The following ANKS1A variants were observed in gnomAD, a reference collection of about 807,000 sequenced individuals.
ANKS1A encodes the protein ankyrin repeat and sterile alpha motif domain containing 1A, also known as ankyrin repeat and SAM domain-containing protein 1A.
ANKS1A carries 55 observed loss-of-function variants against 120.3 expected under a neutral mutation model. The ratio of observed to expected loss-of-function variants is 0.46; its 90% confidence interval spans 0.37 to 0.57. The LOEUF (loss-of-function observed/expected upper bound fraction) is 0.57, where lower values mean the gene tolerates loss of function less well. ANKS1A is among the 20% of genes least tolerant of loss of function. The pLI is 0.00. For missense variants in ANKS1A, 1,123 were observed against 1,480.3 expected (o/e 0.76, Z 3.96); for synonymous variants, 590 against 604.7 (o/e 0.98, Z 0.36).
At chr6:34,906,273 T>C (rs1767643329) in intron 1 of ANKS1A, among the ~76,000 whole-genome samples, 1 of 152,168 alleles carries the variant, frequency 6.6e-6, no homozygotes. Context: ...TACTGTCCTC[T>C]TACTGTGTGC....
intron 1 of ANKS1A, among the ~76,000 whole-genome samples, chr6:34,945,469 A>G (rs1769744382): frequency 6.6e-6 from 1 of 152,190 alleles, no homozygotes; most frequent in African/African-American, 2.4e-5. Context: ...TTCCAGTACC[A>G]GTTGTTGCAA....
chr6:34,954,749 G>A (rs759538617), intron 1 of ANKS1A, among the ~76,000 whole-genome samples: 5 of 152,174 alleles, frequency 3.3e-5, no homozygotes, highest in African/African-American at 4.8e-5. Flanking sequence ...AGCATCCTTT[G>A]TGCATCAGTC....
intron 10 of ANKS1A, among the ~76,000 whole-genome samples, chr6:34,999,626 G>A (rs1773048009): frequency 6.6e-6 from 1 of 152,158 alleles, no homozygotes; most frequent in African/African-American, 2.4e-5. Flanking sequence ...AGACTGGCCA[G>A]CATTAGAGGT....
intron 13 of ANKS1A, among the ~76,000 whole-genome samples, chr6:35,073,346 C>T (rs1387620690): frequency 2.0e-5 from 3 of 152,216 alleles, no homozygotes; most frequent in African/African-American, 7.2e-5. Context: ...GCTGAGGAGC[C>T]AGGCCGCCAG....
At chr6:35,005,742 C>T (rs1486975517) in intron 10 of ANKS1A, 2 of 450,850 alleles carry the variant, frequency 4.4e-6, no homozygotes, top group Admixed American at 4.8e-5. Context: ...AAAACCGCTA[C>T]ATATGAAGAT....
rs190555716 is a variant in ANKS1A, at chr6:34,906,050, C to T, written c.197+16451C>T. ...AAGGGCCTGAGTGAGCAGTGCCCCTCGGGGATCTTCTGCCTAATCCCACCT... is the reference window on the plus strand; with the variant it reads ...AAGGGCCTGAGTGAGCAGTGCCCCTTGGGGATCTTCTGCCTAATCCCACCT... On this transcript the variant is annotated intron_variant, in intron 1 of 23. Coordinates refer to ENST00000360359, the MANE Select transcript of ANKS1A (RefSeq NM_015245.3). Among the ~76,000 whole-genome samples the T allele has an allele frequency of 7.9e-5, 12 of 152,256 alleles. No individual in the cohort carries two copies. The East Asian group carries it at 1.5e-3, about 20-fold the overall frequency.
Position 34,985,287 on chromosome 6 carries a change from C to T in ANKS1A, c.1209+9C>T, listed in dbSNP as rs1338553306. 4 of 1,611,664 alleles carry T rather than the reference C, an allele frequency of 2.5e-6. No individual in the cohort carries two copies. The Admixed American group carries it at 5.0e-5, about 20-fold the overall frequency. ...CTGCTGGAGTGAGGCCTGTATGTGA[C>T]CCGGGGCTTACACCTCCTGGGGGCT... On this transcript the variant is annotated intron_variant, in intron 8 of 23. Coordinates refer to ENST00000360359, the MANE Select transcript of ANKS1A (RefSeq NM_015245.3).
intron 13 of ANKS1A, among the ~76,000 whole-genome samples, chr6:35,075,783 ATTG>A (rs772765916): frequency 2.6e-5 from 4 of 152,060 alleles, no homozygotes; most frequent in East Asian, 1.9e-4. Context: ...ACACACATAT[ATTG>A]TTGTTTTTGT....
intron 13 of ANKS1A, among the ~76,000 whole-genome samples, chr6:35,073,127 G>C (rs1299440608): frequency 6.6e-6 from 1 of 152,248 alleles, no homozygotes; most frequent in Non-Finnish European, 1.5e-5. Flanking sequence ...CTAGCACAGT[G>C]CTGGACTGTG....
At chr6:34,924,641 A>C (rs1768615388) in intron 1 of ANKS1A, among the ~76,000 whole-genome samples, 1 of 152,212 alleles carries the variant, frequency 6.6e-6, no homozygotes, top group Non-Finnish European at 1.5e-5. Flanking sequence ...TTGTCCTTTG[A>C]GGAAGAGACA....
intron 11 of ANKS1A, among the ~76,000 whole-genome samples, chr6:35,037,143 A>G (rs1775215812): frequency 6.6e-6 from 1 of 152,258 alleles, no homozygotes; most frequent in Non-Finnish European, 1.5e-5. Context: ...TTCTCGTGCC[A>G]TTGGTAATTA....
chr6:35,054,065 C>A, intron 11 of ANKS1A, 34 bp from the exon 12 acceptor site: 2 of 1,595,666 alleles, frequency 1.3e-6, no homozygotes, highest in Non-Finnish European at 1.7e-6. Context: ...CCAAGCCTGA[C>A]TGCCTCTCCT....
chr6:34,962,063 A>G (rs776229891), intron 1 of ANKS1A, among the ~76,000 whole-genome samples: 6 of 152,236 alleles, frequency 3.9e-5, no homozygotes, highest in Non-Finnish European at 7.3e-5. Context: ...AAGTGTGACA[A>G]TGGTACCTCA....
At chr6:34,986,405 A>G (rs954725794) in intron 8 of ANKS1A, among the ~76,000 whole-genome samples, 3 of 152,172 alleles carry the variant, frequency 2.0e-5, no homozygotes, top group Non-Finnish European at 4.4e-5. Flanking sequence ...GCCACGCACA[A>G]CAATTTGAGG....
At chr6:34,895,792 T>TC (rs1425261931) in intron 1 of ANKS1A, among the ~76,000 whole-genome samples, 1 of 142,404 alleles carries the variant, frequency 7.0e-6, no homozygotes, top group African/African-American at 2.7e-5. Flanking sequence ...TTTTTTTTTT[T>TC]TTTTTTTTTT....
intron 1 of ANKS1A, among the ~76,000 whole-genome samples, chr6:34,922,075 C>T (rs1450568810): frequency 1.4e-5 from 2 of 147,120 alleles, no homozygotes; most frequent in African/African-American, 2.6e-5. Flanking sequence ...CTCTTGGGCT[C>T]AGGGGATCCT....
At position 35,065,351 on chromosome 6, in the gene ANKS1A, T is replaced by C. The variant is rs150873505; in HGVS notation, c.2184+5098T>C. ...TACAGTAGAAGGAACTCTGGGAACA[T>C]TCTGAATGCCTGTTTTCATGCCTGC... On this transcript the variant is annotated intron_variant, in intron 13 of 23. Coordinates refer to ENST00000360359, the MANE Select transcript of ANKS1A (RefSeq NM_015245.3). Among the ~76,000 whole-genome samples the C allele has an allele frequency of 3.0e-3, 456 of 152,306 alleles. 1 individual carries two copies. The highest frequency in any genetic ancestry group is 9.9e-3 in the African/African-American group (411 of 41,562).
At chr6:34,973,972 CCTTCCCCTTCCCCTTCCCTTGTG>C (rs1771349407) in intron 3 of ANKS1A, among the ~76,000 whole-genome samples, 1 of 76,698 alleles carries the variant, frequency 1.3e-5, no homozygotes, top group African/African-American at 5.1e-5. Flanking sequence ...CTTGCCTTCC[CCTTCCCCTTCCCCTTCCCTTGTG>C]CTTCCCCTTC....
At chr6:34,969,271 T>A (rs889252977) in intron 2 of ANKS1A, among the ~76,000 whole-genome samples, 1 of 152,036 alleles carries the variant, frequency 6.6e-6, no homozygotes, top group Non-Finnish European at 1.5e-5. Flanking sequence ...TTATTTATTT[T>A]GAGAGAGAGT....
Sources: allele counts gnomAD v4.1 joint callset (sites outside exome capture counted in the v4.1 genomes callset), GRCh38; gene constraint gnomAD v4.1.1; transcripts MANE v1.5; gene names NCBI Gene and HGNC (gene_info 2026-07-23, HGNC 2026-07-21).